The following RPL24 variants were observed in gnomAD, a reference collection of about 807,000 sequenced individuals.
RPL24 encodes large ribosomal subunit protein eL24.
RPL24 carries 7 observed loss-of-function variants against 26.4 expected under a neutral mutation model. The observed-to-expected ratio is 0.27, with a 90% CI of 0.15 to 0.50. The LOEUF (loss-of-function observed/expected upper bound fraction) is 0.50, where lower values mean the gene tolerates loss of function less well. Among genes scored for constraint, RPL24 ranks in the 20% least tolerant of loss-of-function variants. RPL24 has a pLI of 0.98. For synonymous variants in RPL24, 67 were observed against 65.2 expected (o/e 1.03, Z -0.13); for missense variants, 109 against 194.9 (o/e 0.56, Z 2.62).
intron 3 of RPL24, among the ~76,000 whole-genome samples, chr3:101,683,878 A>G (rs957516015): frequency 6.6e-6 from 1 of 151,498 alleles, no homozygotes; most frequent in African/African-American, 2.4e-5. Flanking sequence ...CGCCCGGCTA[A>G]TTTTTGTATT....
intron 3 of RPL24, among the ~76,000 whole-genome samples, chr3:101,684,408 T>C (rs1470612036): frequency 1.3e-5 from 2 of 152,008 alleles, no homozygotes; most frequent in Admixed American, 1.3e-4. Flanking sequence ...GACCTGGTGA[T>C]CCACTCGTTT....
chr3:101,681,226 A>G lies in RPL24; in HGVS notation c.394-11T>C, dbSNP rs375988515. ...TGCCTTTGTAGGTGCCTGTAAAAAG[A>G]TAACACAATATTACTCCACAAAACT... On this transcript the variant is annotated splice_polypyrimidine_tract_variant and intron_variant, in intron 5 of 5. Transcript: ENST00000394077. 130 of 1,595,264 alleles carry G rather than the reference A, an allele frequency of 8.1e-5. 1 individual carries two copies. The highest frequency in any genetic ancestry group is 2.3e-4 in the South Asian group (21 of 90,590).
chr3:101,685,651 AAT>A (rs901531319), intron 3 of RPL24, among the ~76,000 whole-genome samples, 165 bp downstream of exon 3: 2 of 152,222 alleles, frequency 1.3e-5, no homozygotes, highest in African/African-American at 2.4e-5. Context: ...ACTAGCCTAA[AAT>A]ATATAGAGAC....
chr3:101,682,072 C>G (rs1937270058), intron 5 of RPL24: 3 of 191,112 alleles, frequency 1.6e-5, no homozygotes, highest in Non-Finnish European at 2.2e-5. Context: ...AATTTTCCAG[C>G]CGGGCTCAGT....
intron 5 of RPL24, 181 bp from the exon 6 acceptor site, chr3:101,681,396 GAC>G (rs1474727987): frequency 3.4e-6 from 2 of 594,792 alleles, no homozygotes; most frequent in East Asian, 5.7e-5. Flanking sequence ...TACAATGAAA[GAC>G]AAAGACTAAG....
chr3:101,683,226 T>C (rs980013173), intron 3 of RPL24, among the ~76,000 whole-genome samples: 2 of 149,548 alleles, frequency 1.3e-5, no homozygotes, highest in Non-Finnish European at 2.9e-5. Context: ...AAAAAAATTA[T>C]CATATTCAGC....
At chr3:101,682,546 C>T in intron 4 of RPL24, 54 bp from the exon 5 acceptor site, 2 of 1,426,096 alleles carry the variant, frequency 1.4e-6, no homozygotes, top group Middle Eastern at 1.8e-4. Context: ...AGTGGTACAA[C>T]TTATTATTAG....
intron 2 of RPL24, 79 bp from the exon 3 acceptor site, chr3:101,686,007 G>A (rs1043180410): frequency 1.1e-6 from 1 of 921,738 alleles, no homozygotes; most frequent in Non-Finnish European, 1.8e-6. Flanking sequence ...ATCCTTAGAA[G>A]ATCAATATGC....
At chr3:101,684,662 T>G (rs1937308589) in intron 3 of RPL24, among the ~76,000 whole-genome samples, 1 of 150,934 alleles carries the variant, frequency 6.6e-6, no homozygotes, top group South Asian at 2.1e-4. Flanking sequence ...CATGTGCCTG[T>G]GGACCACGGG....
rs76639050 is a variant in RPL24 at position 101,686,204 on chromosome 3, G to C, written c.82-276C>G. 458 of 575,366 alleles carry C rather than the reference G, an allele frequency of 8.0e-4. 4 individuals carry two copies. The East Asian group carries it at 0.012, about 15-fold the overall frequency. 35.6% of individuals were successfully genotyped at this position (575,366 alleles called of 1,614,324 possible). Reference sequence around the variant, plus strand: ...TCTGGGAAGCATTCTGCTCTTGTCCGTCCCAGGATTCCAAAGGGTACCTCC... The same window carrying C: ...TCTGGGAAGCATTCTGCTCTTGTCCCTCCCAGGATTCCAAAGGGTACCTCC... On this transcript the variant is annotated intron_variant, in intron 2 of 5. Coordinates refer to ENST00000394077, the MANE Select transcript of RPL24 (RefSeq NM_000986.4).
Position 101,681,093 on chromosome 3 carries a change from G to C in RPL24, c.*42C>G. 7.2e-7 allele frequency: 1 copy of C among 1,390,214 alleles called. No homozygotes were observed. The highest frequency in any genetic ancestry group is 1.0e-6 in the Non-Finnish European group (1 of 983,118). The allele number at this position is 1,390,214 out of a possible 1,614,324, so 86.1% of individuals were successfully genotyped here. ...AAAAAAAAAAATCCAGCACAACCTA[G>C]AGTTATAATCCAATCTTTATTTAAA... On this transcript the variant is annotated 3_prime_UTR_variant, in exon 6 of 6. Coordinates refer to ENST00000394077, the MANE Select transcript of RPL24 (RefSeq NM_000986.4).
intron 3 of RPL24, 144 bp from the exon 4 acceptor site, chr3:101,683,051 A>G (rs1162216641): frequency 1.2e-6 from 1 of 824,150 alleles, no homozygotes; most frequent in African/African-American, 1.7e-5. Context: ...TTGAAATAAA[A>G]CATGTTTTCC....
intron 5 of RPL24, chr3:101,682,144 G>A (rs41273607): frequency 0.037 from 11,781 of 319,030 alleles, 310 homozygotes; most frequent in Non-Finnish European, 0.051. Flanking sequence ...CTGAGGTCAA[G>A]AGTTCAAGAC....
Position 101,682,777 on chromosome 3 carries a change from G to A in RPL24, c.323C>T (p.Ala108Val), listed in dbSNP as rs1937279871. Residue 108 changes from alanine to valine, a missense_variant, in exon 4 of 6, where the codon GCT (alanine) becomes GTT (valine). By Grantham distance (64) the Ala-to-Val change is moderately conservative. Transcript: ENST00000394077. ...TAATGAAAGCATTCCTCACCTGATAGCTTGTTCTCGTTGAGCCTTTCTAAC... is the reference window on the plus strand; with the variant it reads ...TAATGAAAGCATTCCTCACCTGATAACTTGTTCTCGTTGAGCCTTTCTAAC... ...PEVRKAQREQ[A>V]IRAAKEAKKA... The A allele has an allele frequency of 6.2e-7, 1 of 1,612,710 alleles. No homozygotes were observed. Among genetic ancestry groups the A allele is most frequent in the Non-Finnish European group, 8.5e-7 (1 of 1,179,770 alleles).
chr3:101,681,379 C>T (rs1937260456), intron 5 of RPL24, 164 bp from the exon 6 acceptor site: 1 of 606,266 alleles, frequency 1.6e-6, no homozygotes, highest in Non-Finnish European at 3.0e-6. Context: ...TATTTAAAGC[C>T]CATCTTTACA....
At chr3:101,682,617 T>C in intron 4 of RPL24, 125 bp from the exon 5 acceptor site, 1 of 1,135,276 alleles carries the variant, frequency 8.8e-7, no homozygotes, top group Non-Finnish European at 1.3e-6. Context: ...CTCCATTTAT[T>C]TGTAGGCTAA....
chr3:101,682,641 G>A (rs1389410320), intron 4 of RPL24, 130 bp downstream of exon 4: 4 of 1,201,042 alleles, frequency 3.3e-6, no homozygotes, highest in Admixed American at 4.4e-5. Flanking sequence ...CAAAGAATTT[G>A]TCAATAATTT....
At chr3:101,686,096 C>CA (rs763395636) in intron 2 of RPL24, 168 bp from the exon 3 acceptor site, 55 of 598,316 alleles carry the variant, frequency 9.2e-5, no homozygotes, top group Non-Finnish European at 1.6e-4. Context: ...GTAACTGTGT[C>CA]ACACTATGAA....
rs754577090 is a variant in RPL24 at position 101,682,923 on chromosome 3, G to A, written c.193-16C>T. The stretch of plus-strand genomic sequence containing the variant: ...GAATTTCTTCCTGCAAAACAAAGAT[G>A]AGGGGCACACTTAGGAACCTTCCTT... On this transcript the variant is annotated splice_polypyrimidine_tract_variant and intron_variant, in intron 3 of 5. Transcript: ENST00000394077. 7.4e-6 allele frequency: 12 copies of A among 1,612,208 alleles called. No individual in the cohort carries two copies. The South Asian group carries it at 1.2e-4, about 16-fold the overall frequency.
Sources: gnomAD v4.1 joint callset for allele counts (sites outside exome capture counted in the v4.1 genomes callset) on GRCh38, gnomAD v4.1.1 for gene constraint, MANE v1.5 for transcripts, NCBI Gene and HGNC (gene_info 2026-07-23, HGNC 2026-07-21) for gene names.